Variants in MINDY3 observed in about 807,000 individuals in gnomAD.
MINDY3 encodes the protein ubiquitin carboxyl-terminal hydrolase MINDY-3.
In MINDY3, 38 loss-of-function variants were observed where a neutral mutation model predicts 69.2. The ratio of observed to expected loss-of-function variants is 0.55; its 90% CI spans 0.42 to 0.72. The LOEUF is 0.72. MINDY3 is among the 30% of genes least tolerant of loss of function. MINDY3 has a pLI of 0.00. For missense variants in MINDY3, 522 were observed against 519.0 expected (o/e 1.01, Z -0.06); for synonymous variants, 192 against 180.1 (o/e 1.07, Z -0.53).
At chr10:15,798,752 C>T (rs181236567) in intron 10 of MINDY3, among the ~76,000 whole-genome samples, 1 of 151,762 alleles carries the variant, frequency 6.6e-6, no homozygotes, top group African/African-American at 2.4e-5. Flanking sequence ...TGCACTCCAG[C>T]CTGGGCAACA....
intron 1 of MINDY3, among the ~76,000 whole-genome samples, chr10:15,849,272 A>T (rs188506619): frequency 6.6e-6 from 1 of 152,294 alleles, no homozygotes; most frequent in African/African-American, 2.4e-5. Context: ...AGAGGACAGA[A>T]TGTTTATAAA....
chr10:15,779,258 TTGAC>T, intron 14 of MINDY3, 117 bp from the exon 15 acceptor site: 5 of 756,584 alleles, frequency 6.6e-6, no homozygotes, highest in Non-Finnish European at 9.7e-6. Flanking sequence ...CAGATGAAAC[TTGAC>T]ATGTAATTTT....
chr10:15,779,211 A>G (rs1836326910), intron 14 of MINDY3, 70 bp from the exon 15 acceptor site: 17 of 1,391,692 alleles, frequency 1.2e-5, no homozygotes, highest in Non-Finnish European at 1.6e-5. Flanking sequence ...AATGAAAACA[A>G]TTTTTAGAGG....
intron 8 of MINDY3, among the ~76,000 whole-genome samples, chr10:15,822,569 T>C (rs1839842733): frequency 1.3e-5 from 2 of 152,190 alleles, no homozygotes; most frequent in Non-Finnish European, 2.9e-5. Flanking sequence ...TGGGGGGACA[T>C]GATAAATAGT....
intron 4 of MINDY3, 81 bp from the exon 5 acceptor site, chr10:15,838,360 C>T: frequency 7.9e-7 from 1 of 1,261,182 alleles, no homozygotes; most frequent in Non-Finnish European, 1.1e-6. Flanking sequence ...TAAATACTTT[C>T]AAGCAATCAA....
At chr10:15,795,792 AG>A (rs1340674791) in intron 11 of MINDY3, among the ~76,000 whole-genome samples, 1 of 152,044 alleles carries the variant, frequency 6.6e-6, no homozygotes, top group Non-Finnish European at 1.5e-5. Context: ...TAAGTAAAGA[AG>A]AAAATGATTT....
intron 10 of MINDY3, among the ~76,000 whole-genome samples, chr10:15,802,819 A>C (rs1838359229): frequency 6.6e-6 from 1 of 152,162 alleles, no homozygotes; most frequent in Admixed American, 6.6e-5. Context: ...ATAAAAAAAA[A>C]AAAATCATGT....
chr10:15,799,387 C>A (rs1282902306), intron 10 of MINDY3, among the ~76,000 whole-genome samples: 3 of 151,816 alleles, frequency 2.0e-5, no homozygotes, highest in East Asian at 1.9e-4. Context: ...TTAGTAGAGA[C>A]CGGGTTTCAC....
intron 9 of MINDY3, among the ~76,000 whole-genome samples, chr10:15,818,561 C>T (rs1839535088): frequency 6.6e-6 from 1 of 152,108 alleles, no homozygotes; most frequent in South Asian, 2.1e-4. Flanking sequence ...TCAATGTTTA[C>T]AGCAGCCCTA....
At chr10:15,804,074 T>C (rs1838455766) in intron 10 of MINDY3, among the ~76,000 whole-genome samples, 1 of 152,200 alleles carries the variant, frequency 6.6e-6, no homozygotes, top group Non-Finnish European at 1.5e-5. Flanking sequence ...ATTATTTTTA[T>C]TGTAAAAGCA....
At chr10:15,786,477 G>A in intron 13 of MINDY3, 84 bp downstream of exon 13, 1 of 869,210 alleles carries the variant, frequency 1.2e-6, no homozygotes, top group Non-Finnish European at 1.9e-6. Context: ...TTAGGACATT[G>A]TACAGAAAGA....
At chr10:15,852,317 A>C (rs564900641) in intron 1 of MINDY3, among the ~76,000 whole-genome samples, 1 of 152,264 alleles carries the variant, frequency 6.6e-6, no homozygotes, top group Non-Finnish European at 1.5e-5. Flanking sequence ...TTCTAGGAAT[A>C]CCAAGTTCAG....
chr10:15,834,712 T>C (rs1832961479), intron 6 of MINDY3, 96 bp from the exon 7 acceptor site: 5 of 731,112 alleles, frequency 6.8e-6, no homozygotes, highest in Non-Finnish European at 9.0e-6. Flanking sequence ...ACTAATACAA[T>C]TATTTAAGTA....
In MINDY3 at chr10:15,778,729, A is replaced by G. The variant is rs1403583843; in HGVS notation, c.*263T>C. The G allele has an allele frequency of 2.3e-5, 7 of 308,458 alleles. No individual in the cohort carries two copies. Among genetic ancestry groups the G allele is most frequent in the African/African-American group, 1.3e-4 (6 of 46,682 alleles). 19.1% of individuals were successfully genotyped at this position (308,458 alleles called of 1,614,324 possible). A position where few individuals can be genotyped will look rare whatever the true frequency, so the allele number is the denominator to read the frequency against. ...TAATTTGGTAAGTAAATGACCAAGT[A>G]TCTGAATGCAAAAGTGATGAACTTT... On this transcript the variant is annotated 3_prime_UTR_variant, in exon 15 of 15. Coordinates refer to ENST00000277632, the MANE Select transcript of MINDY3 (RefSeq NM_024948.4).
chr10:15,827,489 G>C (rs1174646417), intron 8 of MINDY3, among the ~76,000 whole-genome samples: 1 of 151,966 alleles, frequency 6.6e-6, no homozygotes, highest in Admixed American at 6.6e-5. Flanking sequence ...GTTGCAGTGA[G>C]CCAGGATCGT....
intron 14 of MINDY3, among the ~76,000 whole-genome samples, chr10:15,780,803 G>C (rs908899384): frequency 1.3e-5 from 2 of 152,062 alleles, no homozygotes; most frequent in Non-Finnish European, 2.9e-5. Context: ...TCAGAAGCTT[G>C]TCACAAACAT....
At chr10:15,807,097 GCTCA>G (rs962502020) in intron 10 of MINDY3, among the ~76,000 whole-genome samples, 4 of 152,138 alleles carry the variant, frequency 2.6e-5, no homozygotes, top group Non-Finnish European at 5.9e-5. Context: ...ACGGCACGCA[GCTCA>G]CAGGGTTGGT....
At chr10:15,849,613 G>C (rs940993845) in intron 1 of MINDY3, among the ~76,000 whole-genome samples, 1 of 152,052 alleles carries the variant, frequency 6.6e-6, no homozygotes, top group African/African-American at 2.4e-5. Context: ...TATTTACTAT[G>C]TGTTAAGTGG....
chr10:15,830,003 G>C (rs1010595735), intron 8 of MINDY3, among the ~76,000 whole-genome samples: 3 of 152,136 alleles, frequency 2.0e-5, no homozygotes, highest in African/African-American at 7.2e-5. Context: ...GCCTCTGTGA[G>C]ACAAATTTCG....
Sources: gnomAD v4.1 joint callset for allele counts (sites outside exome capture counted in the v4.1 genomes callset) on GRCh38, gnomAD v4.1.1 for gene constraint, MANE v1.5 for transcripts, NCBI Gene and HGNC (gene_info 2026-07-23, HGNC 2026-07-21) for gene names.